PBX1: variants seen among roughly 807,000 people sequenced by gnomAD.
The protein encoded by PBX1 is pre-B-cell leukemia transcription factor 1.
Under a neutral mutation model 53.4 loss-of-function variants are expected in PBX1, and 6 were observed. The observed-to-expected ratio is 0.11, with a 90% CI of 0.06 to 0.22. The LOEUF (loss-of-function observed/expected upper bound fraction) is 0.22, where lower values mean the gene tolerates loss of function less well. PBX1 is among the 10% of genes least tolerant of loss of function. PBX1 has a pLI of 1.00. For synonymous variants in PBX1, 204 were observed against 212.3 expected (o/e 0.96, Z 0.34); for missense variants, 251 against 551.4 (o/e 0.46, Z 5.46).
chr1:164,618,293 AC>A (rs1657419908), intron 2 of PBX1, among the ~76,000 whole-genome samples: 3 of 22,624 alleles, frequency 1.3e-4, no homozygotes, highest in Admixed American at 4.9e-4. Flanking sequence ...GAGAATAATC[AC>A]GGCGGGGGGG....
intron 2 of PBX1, among the ~76,000 whole-genome samples, chr1:164,658,790 C>T (rs1373146902): frequency 6.6e-6 from 1 of 152,186 alleles, no homozygotes; most frequent in Non-Finnish European, 1.5e-5. Context: ...ATGCCAGATA[C>T]TGTTATTACC....
At chr1:164,693,735 G>A (rs1028532141) in intron 2 of PBX1, among the ~76,000 whole-genome samples, 64 of 152,242 alleles carry the variant, frequency 4.2e-4, no homozygotes, top group African/African-American at 1.5e-3. Context: ...CATAGCAAGG[G>A]CTTTTCCTGA....
chr1:164,793,872 CTTTTTTT>C (rs72414989), intron 3 of PBX1, among the ~76,000 whole-genome samples: 3 of 78,218 alleles, frequency 3.8e-5, no homozygotes, highest in Non-Finnish European at 7.5e-5. Context: ...TTTTTCCTTT[CTTTTTTT>C]TTTTTTTTTT....
At chr1:164,588,164 C>T (rs532962666) in intron 2 of PBX1, among the ~76,000 whole-genome samples, 48 of 152,226 alleles carry the variant, frequency 3.2e-4, no homozygotes, top group Non-Finnish European at 5.6e-4. Context: ...CATCCAGATG[C>T]GGTCAGAGAG....
intron 2 of PBX1, chr1:164,657,417 A>G (rs1479715052): frequency 5.9e-5 from 9 of 152,222 alleles, no homozygotes; most frequent in Non-Finnish European, 1.5e-5. Context: ...AACTGGGTTA[A>G]TTGAAGCAAT....
At chr1:164,729,482 A>G (rs1311457735) in intron 2 of PBX1, among the ~76,000 whole-genome samples, 1 of 152,192 alleles carries the variant, frequency 6.6e-6, no homozygotes, top group Non-Finnish European at 1.5e-5. Context: ...TTGTGTAAAT[A>G]TGTATATATA....
intron 2 of PBX1, among the ~76,000 whole-genome samples, chr1:164,748,527 C>T (rs752888756): frequency 2.6e-5 from 4 of 152,034 alleles, no homozygotes; most frequent in Non-Finnish European, 4.4e-5. Context: ...TTAAATAATA[C>T]GTCATTAAAA....
intron 2 of PBX1, chr1:164,577,135 T>C (rs1654307208): frequency 6.6e-6 from 1 of 152,180 alleles, no homozygotes; most frequent in Non-Finnish European, 1.5e-5. Context: ...TTAAATAATA[T>C]AATCTGGAGT....
At chr1:164,699,379 C>T (rs1393102898) in intron 2 of PBX1, among the ~76,000 whole-genome samples, 2 of 152,164 alleles carry the variant, frequency 1.3e-5, no homozygotes, top group African/African-American at 4.8e-5. Flanking sequence ...TCTACCTGCT[C>T]GTGGGTTCCA....
At chr1:164,833,315 C>T (rs1293343827) in intron 8 of PBX1, among the ~76,000 whole-genome samples, 2 of 152,128 alleles carry the variant, frequency 1.3e-5, no homozygotes, top group Non-Finnish European at 2.9e-5. Flanking sequence ...CCAGTACCTG[C>T]CCTGGTACTT....
chr1:164,572,595 A>T (rs1653952450), intron 2 of PBX1, among the ~76,000 whole-genome samples: 1 of 152,314 alleles, frequency 6.6e-6, no homozygotes. Context: ...CTAGTGTGAC[A>T]GAGGGAGCAT....
chr1:164,724,284 A>C (rs1282645342), intron 2 of PBX1, among the ~76,000 whole-genome samples: 13 of 152,122 alleles, frequency 8.5e-5, no homozygotes, highest in Non-Finnish European at 5.9e-5. Context: ...TGGATTTCTC[A>C]CCCGTAAGTG....
chr1:164,799,868 G>A lies in PBX1; in HGVS notation c.680G>A (p.Arg227His). ...ACGTGCGAGGCGGTGATGATCCTGC[G>A]TTCCCGATTTCTGGATGCGCGGTGA... ...QSTCEAVMIL[R>H]SRFLDARRKR... Residue 227 changes from arginine to histidine, a missense_variant, in exon 4 of 9, where the codon CGT (arginine) becomes CAT (histidine). Transcript: ENST00000420696. 1 of 1,612,394 alleles carries A rather than the reference G, an allele frequency of 6.2e-7. No individual in the cohort carries two copies. The highest frequency in any genetic ancestry group is 8.5e-7 in the Non-Finnish European group (1 of 1,178,732).
At chr1:164,640,556 G>GTTTTTTTT (rs1272033438) in intron 2 of PBX1, among the ~76,000 whole-genome samples, 1 of 30,680 alleles carries the variant, frequency 3.3e-5, no homozygotes, top group Non-Finnish European at 1.1e-4. Flanking sequence ...TTTTTTTTTT[G>GTTTTTTTT]TGTTTTTTTT....
chr1:164,617,401 T>C (rs1321041408), intron 2 of PBX1, among the ~76,000 whole-genome samples: 4 of 152,236 alleles, frequency 2.6e-5, no homozygotes, highest in African/African-American at 7.2e-5. Flanking sequence ...GGTTCAGTAA[T>C]GTTTTCTTTC....
chr1:164,737,895 T>G (rs368921816), intron 2 of PBX1, among the ~76,000 whole-genome samples: 243 of 152,000 alleles, frequency 1.6e-3, no homozygotes, highest in African/African-American at 5.2e-3. Context: ...CTTCCCCACC[T>G]CCCCCCAACC....
At chr1:164,581,869 A>T in intron 2 of PBX1, among the ~76,000 whole-genome samples, 1 of 152,222 alleles carries the variant, frequency 6.6e-6, no homozygotes, top group South Asian at 2.1e-4. Context: ...TCTTGTGTTT[A>T]CATTTTCTTG....
chr1:164,788,153 A>T (rs1256933728), intron 2 of PBX1, among the ~76,000 whole-genome samples: 1 of 152,176 alleles, frequency 6.6e-6, no homozygotes, highest in East Asian at 1.9e-4. Context: ...TGGTTGCTGG[A>T]TTAGGTAACA....
In PBX1 at chr1:164,645,067, A is replaced by G. The variant is rs34355602; in HGVS notation, c.265+81756A>G. Among the ~76,000 whole-genome samples the G allele has an allele frequency of 8.7e-3, 1,323 of 152,270 alleles. 10 individuals carry two copies. The highest frequency in any genetic ancestry group is 0.014 in the Non-Finnish European group (933 of 68,012). On this transcript the variant is annotated intron_variant, in intron 2 of 8. Transcript: ENST00000420696. ...CTCTTTGTTTAGTTTTGGGTTTTTA[A>G]TATGAGCAGAGACATAAAGGAGTGG...
Sources: gnomAD v4.1 joint callset for allele counts (sites outside exome capture counted in the v4.1 genomes callset) on GRCh38, gnomAD v4.1.1 for gene constraint, MANE v1.5 for transcripts, NCBI Gene and HGNC (gene_info 2026-07-23, HGNC 2026-07-21) for gene names.